RBFOX3: variants seen among roughly 807,000 people sequenced by gnomAD.
The protein encoded by RBFOX3 is RNA binding fox-1 homolog 3, also known as RNA binding protein fox-1 homolog 3.
Under a neutral mutation model 48.7 loss-of-function variants are expected in RBFOX3, and 17 were observed. That is an observed-to-expected ratio of 0.35 (90% CI 0.24 to 0.52). The LOEUF is 0.52. Ranked by LOEUF, RBFOX3 falls within the 20% of genes least tolerant of loss-of-function variation. The pLI is 0.94. For synonymous variants in RBFOX3, 212 were observed against 209.5 expected, an observed-to-expected ratio of 1.01 and a Z score of -0.10; for missense variants, 382 against 497.5, an observed-to-expected ratio of 0.77 and a Z score of 2.21.
chr17:79,119,871 CA>C (rs1428013618), intron 4 of RBFOX3, among the ~76,000 whole-genome samples: 4 of 152,232 alleles, frequency 2.6e-5, no homozygotes, highest in African/African-American at 9.6e-5. Context: ...TCCTGAACAA[CA>C]GAGGCCACTT....
At chr17:79,527,583 C>T (rs1327203245) in intron 1 of RBFOX3, among the ~76,000 whole-genome samples, 5 of 152,136 alleles carry the variant, frequency 3.3e-5, no homozygotes, top group African/African-American at 9.7e-5. Flanking sequence ...CCAGGGCTTA[C>T]GCATGTGTAT....
chr17:79,277,339 C>G (rs947688573), intron 3 of RBFOX3, among the ~76,000 whole-genome samples: 3 of 151,556 alleles, frequency 2.0e-5, no homozygotes, highest in South Asian at 2.1e-4. Flanking sequence ...GTACCTTATA[C>G]TGTAAATACA....
the RBFOX3 span, among the ~76,000 whole-genome samples, chr17:79,653,215 G>A: frequency 2.1e-4 from 32 of 152,258 alleles, 1 homozygote; most frequent in East Asian, 1.5e-3. Context: ...CATGCACGTC[G>A]GCACAGGGTT....
intron 2 of RBFOX3, among the ~76,000 whole-genome samples, chr17:79,446,208 C>CA (rs1448679359): frequency 6.6e-6 from 1 of 152,156 alleles, no homozygotes; most frequent in Non-Finnish European, 1.5e-5. Flanking sequence ...CAGGAGCCTC[C>CA]AGGGCCCTGG....
chr17:79,179,691 TG>T (rs1412626368), intron 4 of RBFOX3, among the ~76,000 whole-genome samples: 1 of 152,226 alleles, frequency 6.6e-6, no homozygotes, highest in East Asian at 1.9e-4. Flanking sequence ...TTTTCGAGCT[TG>T]GGGTTTTTTC....
At chr17:79,393,221 A>G (rs982572168) in intron 2 of RBFOX3, among the ~76,000 whole-genome samples, 1 of 152,250 alleles carries the variant, frequency 6.6e-6, no homozygotes, top group Non-Finnish European at 1.5e-5. Context: ...TTCACAGTTC[A>G]GTTCCACCCG....
chr17:79,213,393 C>T (rs993638924), intron 4 of RBFOX3, among the ~76,000 whole-genome samples: 5 of 152,166 alleles, frequency 3.3e-5, no homozygotes, highest in Admixed American at 1.3e-4. Context: ...GTCCAGGCCT[C>T]GCGTCAAGTC....
At chr17:79,428,146 C>T (rs2067725451) in intron 2 of RBFOX3, among the ~76,000 whole-genome samples, 1 of 152,390 alleles carries the variant, frequency 6.6e-6, no homozygotes, top group Middle Eastern at 3.4e-3. Flanking sequence ...TGTCCTCGTT[C>T]CCTCTCTCTC....
chr17:79,118,990 A>AT (rs201134178), intron 4 of RBFOX3, among the ~76,000 whole-genome samples: 15 of 148,550 alleles, frequency 1.0e-4, no homozygotes, highest in South Asian at 4.5e-4. Flanking sequence ...AAAAAAAAAA[A>AT]AAATAAAGAA....
At chr17:79,484,958 C>CCCTT (rs2079345127) in intron 1 of RBFOX3, among the ~76,000 whole-genome samples, 1 of 152,202 alleles carries the variant, frequency 6.6e-6, no homozygotes, top group Non-Finnish European at 1.5e-5. Flanking sequence ...TAATAGGATA[C>CCCTT]ACTTCTGGTC....
chr17:79,625,759 T>C, the RBFOX3 span, among the ~76,000 whole-genome samples: 1 of 152,178 alleles, frequency 6.6e-6, no homozygotes, highest in African/African-American at 2.4e-5. Context: ...GCCATTGCAC[T>C]CCAGCCTGAG....
chr17:79,222,463 G>A lies in RBFOX3; in HGVS notation c.-34+13303C>T, dbSNP rs983069618. On this transcript the variant is annotated intron_variant, in intron 4 of 14. Transcript: ENST00000693108. ...TCCAGGGCTGTTTGGGGAAGCTCCT[G>A]TTCTTTTGAAAGGGCCAGAGCTCTG... is the stretch of plus-strand genomic sequence containing the variant. 4.6e-5 allele frequency among the ~76,000 whole-genome samples: 7 copies of A among 152,350 alleles called. No individual in the cohort carries two copies. The East Asian group carries it at 1.2e-3, about 25-fold the overall frequency.
intron 4 of RBFOX3, among the ~76,000 whole-genome samples, chr17:79,184,884 T>C (rs2146269376): frequency 6.6e-6 from 1 of 152,268 alleles, no homozygotes; most frequent in African/African-American, 2.4e-5. Flanking sequence ...CCTTGGGGCC[T>C]TGGTTTCCAC....
At chr17:79,536,717 A>G (rs1180613309) in intron 1 of RBFOX3, among the ~76,000 whole-genome samples, 1 of 152,266 alleles carries the variant, frequency 6.6e-6, no homozygotes, top group Non-Finnish European at 1.5e-5. Flanking sequence ...GAGGCAGGAC[A>G]GTGACCTGTT....
chr17:79,272,231 C>G (rs1276004339), intron 3 of RBFOX3, among the ~76,000 whole-genome samples: 1 of 152,088 alleles, frequency 6.6e-6, no homozygotes. Context: ...GGTTACATGG[C>G]CTTTGTGGCT....
chr17:79,548,413 G>A (rs187411442), intron 1 of RBFOX3, among the ~76,000 whole-genome samples: 128 of 152,368 alleles, frequency 8.4e-4, no homozygotes, highest in Non-Finnish European at 1.1e-3. Flanking sequence ...TGCCTGTGGG[G>A]AGGACAGCAG....
intron 4 of RBFOX3, among the ~76,000 whole-genome samples, chr17:79,159,326 T>C (rs2046465644): frequency 6.6e-6 from 1 of 152,050 alleles, no homozygotes; most frequent in African/African-American, 2.4e-5. Context: ...TCCTCACAGA[T>C]TCTATAGCCG....
At chr17:79,151,247 C>A (rs868244270) in intron 4 of RBFOX3, among the ~76,000 whole-genome samples, 3 of 151,670 alleles carry the variant, frequency 2.0e-5, no homozygotes, top group Middle Eastern at 6.8e-3. Context: ...AAGAAAAAGA[C>A]ACACAGTCCA....
At chr17:79,627,721 G>A in the RBFOX3 span, among the ~76,000 whole-genome samples, 7 of 152,182 alleles carry the variant, frequency 4.6e-5, no homozygotes, top group Non-Finnish European at 8.8e-5. Flanking sequence ...GCTTATTGCT[G>A]GAGATGACTT....
Sources: allele counts gnomAD v4.1 joint callset (sites outside exome capture counted in the v4.1 genomes callset), GRCh38; gene constraint gnomAD v4.1.1; transcripts MANE v1.5; gene names NCBI Gene and HGNC (gene_info 2026-07-23, HGNC 2026-07-21).